The following KIF25 variants were observed in gnomAD, a reference collection of about 807,000 sequenced individuals.
KIF25 encodes the protein kinesin-like protein KIF25.
In KIF25, 19 loss-of-function variants were observed where a neutral mutation model predicts 32.9. The observed-to-expected ratio is 0.58, with a 90% CI of 0.40 to 0.85. The LOEUF (loss-of-function observed/expected upper bound fraction) is 0.85, where lower values mean the gene tolerates loss of function less well. KIF25 is among the 40% of genes least tolerant of loss of function. The pLI is 0.00. For synonymous variants in KIF25, 225 were observed against 213.7 expected (o/e 1.05, Z -0.46); for missense variants, 485 against 507.0 (o/e 0.96, Z 0.42).
intron 2 of KIF25, 68 bp from the exon 3 acceptor site, chr6:168,002,475 T>C (rs937886884): frequency 3.9e-5 from 6 of 152,268 alleles, no homozygotes; most frequent in African/African-American, 1.4e-4. Flanking sequence ...TCCATAAACG[T>C]GTGTGTGGAC....
chr6:168,016,965 A>G (rs227237), intron 4 of KIF25, among the ~76,000 whole-genome samples: 128,569 of 152,280 alleles, frequency 0.84, 54,422 homozygotes, highest in East Asian at 0.97. Flanking sequence ...GGGGATTCCC[A>G]CGGCCTCTCA....
At chr6:168,021,137 G>C (rs1045572493) in intron 5 of KIF25, among the ~76,000 whole-genome samples, 2 of 152,162 alleles carry the variant, frequency 1.3e-5, no homozygotes, top group Non-Finnish European at 2.9e-5. Flanking sequence ...TCAATGGAAC[G>C]GAGAAGAGTT....
At chr6:168,020,373 C>G (rs1447164423) in intron 5 of KIF25, among the ~76,000 whole-genome samples, 1 of 151,978 alleles carries the variant, frequency 6.6e-6, no homozygotes, top group African/African-American at 2.4e-5. Context: ...CATGGGAAAG[C>G]TGAGAGAATT....
At chr6:168,025,201 C>T (rs538076355) in intron 5 of KIF25, among the ~76,000 whole-genome samples, 6 of 152,296 alleles carry the variant, frequency 3.9e-5, no homozygotes, top group South Asian at 4.1e-4. Context: ...TCATCAGAGA[C>T]GCGGGGACGC....
chr6:168,012,839 C>T (rs1485950363), intron 4 of KIF25, among the ~76,000 whole-genome samples: 2 of 151,950 alleles, frequency 1.3e-5, no homozygotes, highest in Non-Finnish European at 2.9e-5. Flanking sequence ...GCTTCTCAGG[C>T]CTGGGACGAG....
intron 4 of KIF25, among the ~76,000 whole-genome samples, chr6:168,016,193 T>C (rs1010500693): frequency 6.6e-6 from 1 of 152,080 alleles, no homozygotes; most frequent in African/African-American, 2.4e-5. Flanking sequence ...CTGGCGGGTG[T>C]CGGAGTTTTG....
chr6:168,034,730 C>T (rs1798991855), intron 8 of KIF25, among the ~76,000 whole-genome samples: 3 of 152,214 alleles, frequency 2.0e-5, no homozygotes, highest in Admixed American at 2.0e-4. Flanking sequence ...TATGCATTCG[C>T]TTCTCTTCAG....
chr6:168,011,036 T>G (rs540522571), intron 4 of KIF25, among the ~76,000 whole-genome samples: 1 of 152,270 alleles, frequency 6.6e-6, no homozygotes, highest in East Asian at 1.9e-4. Context: ...GTAGACAGCA[T>G]ATAGTTGGGT....
At chr6:168,031,128 C>A (rs554741744) in intron 7 of KIF25, among the ~76,000 whole-genome samples, 3 of 152,244 alleles carry the variant, frequency 2.0e-5, no homozygotes, top group African/African-American at 7.2e-5. Flanking sequence ...TGGGCTTAAG[C>A]CTGTGAGTGC....
At chr6:168,043,349 A>G (rs1441719994) in intron 12 of KIF25, among the ~76,000 whole-genome samples, 2 of 152,128 alleles carry the variant, frequency 1.3e-5, no homozygotes, top group African/African-American at 4.8e-5. Context: ...TGGGCCCTGT[A>G]GGCCGTGTCC....
At chr6:168,023,174 G>T (rs1004725442) in intron 5 of KIF25, among the ~76,000 whole-genome samples, 4 of 151,880 alleles carry the variant, frequency 2.6e-5, no homozygotes, top group African/African-American at 9.7e-5. Context: ...TGTCTGGATT[G>T]GTTCCTCAGC....
intron 4 of KIF25, among the ~76,000 whole-genome samples, chr6:168,005,500 T>C (rs1798568057): frequency 6.6e-6 from 1 of 152,212 alleles, no homozygotes; most frequent in Non-Finnish European, 1.5e-5. Context: ...CTGCTCAGCT[T>C]CGACCCTGTA....
At chr6:168,029,132 G>A (rs559063594) in intron 5 of KIF25, among the ~76,000 whole-genome samples, 1 of 152,260 alleles carries the variant, frequency 6.6e-6, no homozygotes, top group Admixed American at 6.5e-5. Flanking sequence ...TAGTATTGCA[G>A]GTAAAGAGTA....
chr6:168,029,015 A>G (rs1334299404), intron 5 of KIF25, among the ~76,000 whole-genome samples: 1 of 152,178 alleles, frequency 6.6e-6, no homozygotes, highest in Non-Finnish European at 1.5e-5. Flanking sequence ...ATGTATGGCC[A>G]TATTAGCTCC....
At chr6:168,011,283 A>T (rs1798643982) in intron 4 of KIF25, among the ~76,000 whole-genome samples, 1 of 152,270 alleles carries the variant, frequency 6.6e-6, no homozygotes, top group East Asian at 1.9e-4. Context: ...CATTGGCTAT[A>T]CAAGTGACTT....
chr6:168,021,578 G>C (rs1208341659), intron 5 of KIF25, among the ~76,000 whole-genome samples: 1 of 152,190 alleles, frequency 6.6e-6, no homozygotes, highest in Non-Finnish European at 1.5e-5. Context: ...TAAGTATACA[G>C]TTCAATGGGA....
chr6:168,034,927 G>C (rs1013357440), intron 8 of KIF25, among the ~76,000 whole-genome samples: 1 of 152,186 alleles, frequency 6.6e-6, no homozygotes, highest in Non-Finnish European at 1.5e-5. Context: ...TTGGGAGGTC[G>C]AGGCGGGCGG....
At chr6:168,031,955 C>T (rs2114901163) in intron 7 of KIF25, among the ~76,000 whole-genome samples, 1 of 152,242 alleles carries the variant, frequency 6.6e-6, no homozygotes, top group Middle Eastern at 3.4e-3. Context: ...TGGTTTTGTA[C>T]ATTTCAGGGA....
chr6:168,029,526 G>C lies in KIF25; in HGVS notation c.-60G>C, dbSNP rs1798909422. On this transcript the variant is annotated 5_prime_UTR_variant, in exon 6 of 13. Transcript: ENST00000643607. ...CCTTCCCAGCTGACATGGACCTCAG[G>C]TCAGCTTCAGCGTGAGAAGCAGGCC... is the stretch of plus-strand genomic sequence containing the variant. 6.4e-7 allele frequency: 1 copy of C among 1,573,684 alleles called. No individual in the cohort carries two copies. Among genetic ancestry groups the C allele is most frequent in the Non-Finnish European group, 8.6e-7 (1 of 1,163,608 alleles).
Sources: gnomAD v4.1 joint callset for allele counts (sites outside exome capture counted in the v4.1 genomes callset) on GRCh38, gnomAD v4.1.1 for gene constraint, MANE v1.5 for transcripts, NCBI Gene and HGNC (gene_info 2026-07-23, HGNC 2026-07-21) for gene names.